The following DHRS7B variants were observed in gnomAD, a reference collection of about 807,000 sequenced individuals.
The protein encoded by DHRS7B is peroxisomal reductase activating PPAR-gamma.
DHRS7B carries 24 observed loss-of-function variants against 26.4 expected under a neutral mutation model. That is an observed-to-expected ratio of 0.91 (90% CI 0.66 to 1.28). The LOEUF (loss-of-function observed/expected upper bound fraction) is 1.28, where lower values mean the gene tolerates loss of function less well. Ranked by LOEUF, DHRS7B falls within the 50% of genes most tolerant of loss-of-function variation. The pLI is 0.00. For synonymous variants in DHRS7B, 142 were observed against 166.4 expected (o/e 0.85, Z 1.13); for missense variants, 368 against 419.4 (o/e 0.88, Z 1.07).
intron 1 of DHRS7B, among the ~76,000 whole-genome samples, chr17:21,151,917 A>G (rs990033805): frequency 1.7e-4 from 26 of 152,200 alleles, no homozygotes; most frequent in African/African-American, 6.0e-4. Context: ...TGTCCTCGCA[A>G]CAGTGAGTGA....
At chr17:21,148,223 T>C (rs900330135) in intron 1 of DHRS7B, among the ~76,000 whole-genome samples, 5 of 151,702 alleles carry the variant, frequency 3.3e-5, no homozygotes, top group African/African-American at 7.3e-5. Context: ...CCCTAAAAAA[T>C]AATTTTTAAA....
At chr17:21,154,960 G>GT (rs943881135) in intron 1 of DHRS7B, among the ~76,000 whole-genome samples, 8 of 151,944 alleles carry the variant, frequency 5.3e-5, no homozygotes, top group Non-Finnish European at 1.0e-4. Context: ...ACTAAAAAAA[G>GT]TTTTTTTAAA....
At chr17:21,159,705 C>T (rs571149062) in intron 1 of DHRS7B, among the ~76,000 whole-genome samples, 1 of 151,570 alleles carries the variant, frequency 6.6e-6, no homozygotes, top group African/African-American at 2.4e-5. Context: ...GACCCTGTCT[C>T]TGCAAAAATT....
In DHRS7B at chr17:21,140,535, C is replaced by CCCTG. The variant is rs1220657697; in HGVS notation, c.20+13544_20+13545insCCTG. On this transcript the variant is annotated intron_variant, in intron 1 of 6. Transcript: ENST00000395511. ...ACACACACACACACACACACACACA[C>CCCTG]ACACCCTGACACCCTATAGCTTTTA... is the stretch of plus-strand genomic sequence containing the variant. 7.3e-5 allele frequency among the ~76,000 whole-genome samples: 11 copies of CCCTG among 149,766 alleles called. No individual in the cohort carries two copies. In the East Asian group the frequency reaches 2.0e-3, roughly 27 times the overall value.
rs150607921 is a variant in DHRS7B at position 21,144,555 on chromosome 17, C to T, written c.20+17564C>T. Among the ~76,000 whole-genome samples, 208 of 152,254 alleles carry T rather than the reference C, an allele frequency of 1.4e-3. 2 individuals carry two copies. Among genetic ancestry groups the T allele is most frequent in the Non-Finnish European group, 2.2e-3 (152 of 68,006 alleles). On this transcript the variant is annotated intron_variant, in intron 1 of 6. Coordinates refer to ENST00000395511, the MANE Select transcript of DHRS7B (RefSeq NM_015510.5). ...TTTCCAGGCTGGGCATGGTGACTCA[C>T]GCCTGTAATCCCAGCACTCTGAGAG...
In DHRS7B at chr17:21,188,749, T is replaced by C. The variant is rs1383170075; in HGVS notation, c.658T>C (p.Cys220Arg). ...GCACGCAACCCAGGCTTTCTTTGAC[T>C]GTCTGCGTGCCGAGATGGAACAGTA... ...SKHATQAFFD[C>R]LRAEMEQYEI... The change falls in exon 6 of 7, where the codon TGT becomes CGT. Residue 220 changes from cysteine (C) to arginine (R), a missense_variant. Transcript: ENST00000395511. 1 of 1,611,670 alleles carries C rather than the reference T, an allele frequency of 6.2e-7. No homozygotes were observed. The highest frequency in any genetic ancestry group is 8.5e-7 in the Non-Finnish European group (1 of 1,179,014).
At chr17:21,129,434 G>C (rs1352597925) in intron 1 of DHRS7B, among the ~76,000 whole-genome samples, 1 of 152,216 alleles carries the variant, frequency 6.6e-6, no homozygotes, top group African/African-American at 2.4e-5. Context: ...GGCTGTAGGT[G>C]GTGGCTCACA....
intron 1 of DHRS7B, among the ~76,000 whole-genome samples, chr17:21,138,075 A>AAAAAATATAT (rs1238830544): frequency 9.0e-5 from 3 of 33,236 alleles, no homozygotes; most frequent in African/African-American, 4.2e-4. Context: ...TTAAAAAAAA[A>AAAAAATATAT]ATATATATAT....
rs977761760 is a variant in DHRS7B, at chr17:21,140,534, A to C, written c.20+13543A>C. Among the ~76,000 whole-genome samples the C allele has an allele frequency of 6.8e-5, 10 of 147,774 alleles. No individual in the cohort carries two copies. In the East Asian group the frequency reaches 1.6e-3, roughly 24 times the overall value. ...CACACACACACACACACACACACAC[A>C]CACACCCTGACACCCTATAGCTTTT... On this transcript the variant is annotated intron_variant, in intron 1 of 6. Transcript: ENST00000395511.
At chr17:21,177,765 C>T (rs1974416713) in intron 2 of DHRS7B, among the ~76,000 whole-genome samples, 2 of 152,236 alleles carry the variant, frequency 1.3e-5, no homozygotes, top group Admixed American at 6.5e-5. Flanking sequence ...CCTCGGTCCC[C>T]TGCCCCAGCT....
intron 1 of DHRS7B, among the ~76,000 whole-genome samples, chr17:21,139,413 C>G (rs750260928): frequency 6.6e-6 from 1 of 152,184 alleles, no homozygotes; most frequent in African/African-American, 2.4e-5. Context: ...TGGTGGCTCA[C>G]GCCTGTAATC....
intron 1 of DHRS7B, chr17:21,127,272 C>T (rs1973120957): frequency 2.3e-6 from 1 of 442,706 alleles, no homozygotes; most frequent in South Asian, 4.1e-5. Flanking sequence ...GGTGTCGCGC[C>T]GGGCGCTGTG....
chr17:21,161,754 T>C (rs556061581), intron 1 of DHRS7B, among the ~76,000 whole-genome samples: 1 of 152,146 alleles, frequency 6.6e-6, no homozygotes, highest in East Asian at 1.9e-4. Context: ...GCTAGGACGC[T>C]TGGTAAAAGA....
At chr17:21,144,252 T>C (rs547413564) in intron 1 of DHRS7B, among the ~76,000 whole-genome samples, 28 of 152,310 alleles carry the variant, frequency 1.8e-4, no homozygotes, top group African/African-American at 6.5e-4. Context: ...TCTTATCTTA[T>C]AAGTGCCTAG....
intron 1 of DHRS7B, among the ~76,000 whole-genome samples, chr17:21,158,957 CAAAA>C (rs201773440): frequency 9.2e-6 from 1 of 108,556 alleles, no homozygotes. Flanking sequence ...TATCTGCATG[CAAAA>C]AAAAAAAAAA....
At chr17:21,162,129 T>C (rs111662909) in intron 1 of DHRS7B, among the ~76,000 whole-genome samples, 5 of 151,948 alleles carry the variant, frequency 3.3e-5, no homozygotes, top group South Asian at 2.1e-4. Flanking sequence ...TATCTAACTT[T>C]GTGAGGAAAC....
Position 21,184,462 on chromosome 17 carries a change from A to G in DHRS7B, c.618A>G (p.Ala206=). The G allele has an allele frequency of 6.2e-7, 1 of 1,613,580 alleles. No individual in the cohort carries two copies. Among genetic ancestry groups the G allele is most frequent in the Non-Finnish European group, 8.5e-7 (1 of 1,179,760 alleles). ...AGATGAGCATTCCTTTTCGATCAGC[A>G]TGTGAGTACTTCTCTCTCCCACAAA... The part of the protein sequence containing the change: ...QGKMSIPFRS[A]YAASKHATQA... Residue 206 remains alanine (A), a splice_region_variant and synonymous_variant, in exon 5 of 7, where the codon GCA becomes GCG. Coordinates refer to ENST00000395511, the MANE Select transcript of DHRS7B (RefSeq NM_015510.5).
intron 1 of DHRS7B, among the ~76,000 whole-genome samples, chr17:21,139,987 T>C (rs943040865): frequency 6.0e-5 from 9 of 151,034 alleles, no homozygotes; most frequent in Non-Finnish European, 1.0e-4. Flanking sequence ...TGTAGATTCA[T>C]AGAAACCTTT....
At chr17:21,166,429 C>G in intron 1 of DHRS7B, 5 of 985,194 alleles carry the variant, frequency 5.1e-6, no homozygotes, top group Non-Finnish European at 6.0e-6. Flanking sequence ...AGAGAAGACA[C>G]TGGCGCCAGG....
Sources: allele counts gnomAD v4.1 joint callset (sites outside exome capture counted in the v4.1 genomes callset), GRCh38; gene constraint gnomAD v4.1.1; transcripts MANE v1.5; gene names NCBI Gene and HGNC (gene_info 2026-07-23, HGNC 2026-07-21).